Variants in PAFAH1B3 observed in about 807,000 individuals in gnomAD.
The protein encoded by PAFAH1B3 is platelet activating factor acetylhydrolase 1b catalytic subunit 3.
Under a neutral mutation model 24.4 loss-of-function variants are expected in PAFAH1B3, and 15 were observed. The ratio of observed to expected loss-of-function variants is 0.62; its 90% CI spans 0.41 to 0.95. The LOEUF (loss-of-function observed/expected upper bound fraction) is 0.95. Ranked by LOEUF, PAFAH1B3 falls within the 40% of genes least tolerant of loss-of-function variation. The pLI, the probability that PAFAH1B3 is intolerant of heterozygous loss-of-function variation, is 0.00. For missense variants in PAFAH1B3, 266 were observed against 312.2 expected (o/e 0.85, Z 1.12); for synonymous variants, 144 against 126.5 (o/e 1.14, Z -0.93).
chr19:42,302,449 A>C lies in PAFAH1B3; in HGVS notation c.-140T>G, dbSNP rs777261730. On this transcript the variant is annotated 5_prime_UTR_variant, in exon 1 of 5. Transcript: ENST00000262890. ...AACGCTAGCACACCCGCGGAGGACG[A>C]AGGCCGATACAGGGCGCCGCCTCCT... 1.7e-5 allele frequency: 12 copies of C among 724,412 alleles called. No homozygotes were observed. Among genetic ancestry groups the C allele is most frequent in the Non-Finnish European group, 2.5e-5 (11 of 448,948 alleles). 44.9% of individuals were successfully genotyped at this position (724,412 alleles called of 1,614,324 possible). A position where few individuals can be genotyped will look rare whatever the true frequency, so the allele number is the denominator to read the frequency against.
At chr19:42,298,543 A>G (rs1373152895) in intron 4 of PAFAH1B3, among the ~76,000 whole-genome samples, 1 of 152,220 alleles carries the variant, frequency 6.6e-6, no homozygotes, top group Non-Finnish European at 1.5e-5. Flanking sequence ...CCAAGGGATC[A>G]ATCCGTTTTC....
chr19:42,300,031 C>T lies in PAFAH1B3; in HGVS notation c.347G>A (p.Gly116Asp), dbSNP rs773376956. 1 of 1,614,198 alleles carries T rather than the reference C, an allele frequency of 6.2e-7. No homozygotes were observed. The highest frequency in any genetic ancestry group is 1.1e-5 in the South Asian group (1 of 91,086). Residue 116 changes from glycine to aspartate, a missense_variant, in exon 4 of 5, where the codon GGC becomes GAC. Coordinates refer to ENST00000262890, the MANE Select transcript of PAFAH1B3 (RefSeq NM_002573.4). ...HGHTAEQVTG[G>D]IKAIVQLVNE... ...CACCAGTTGCACAATGGCCTTGATG[C>T]CACCAGTCACCTGCTCTGCTGTGTG...
Position 42,297,202 on chromosome 19 carries a change from T to C in PAFAH1B3, c.572A>G (p.Tyr191Cys). ...SDGTISHHDM[Y>C]DYLHLSRLGY... ...CAGGCGGCTCAGATGCAGGTAATCA[T>C]ACATGTCATGATGGCTGATGGTGCC... Residue 191 changes from tyrosine to cysteine, a missense_variant, in exon 5 of 5, where the codon TAT becomes TGT. By Grantham distance (194) the Tyr-to-Cys change is radical (BLOSUM62 -2). Coordinates refer to ENST00000262890, the MANE Select transcript of PAFAH1B3 (RefSeq NM_002573.4). The C allele has an allele frequency of 6.2e-7, 1 of 1,614,062 alleles. No homozygotes were observed. The highest frequency in any genetic ancestry group is 8.5e-7 in the Non-Finnish European group (1 of 1,180,002).
chr19:42,301,011 C>T (rs1162258782), intron 2 of PAFAH1B3, among the ~76,000 whole-genome samples: 3 of 152,122 alleles, frequency 2.0e-5, no homozygotes, highest in Admixed American at 6.6e-5. Context: ...GACAGGATTT[C>T]GCCATGTTGG....
In PAFAH1B3 at chr19:42,302,448, G is replaced by C. The variant is rs550086183; in HGVS notation, c.-139C>G. The C allele has an allele frequency of 1.4e-6, 1 of 727,718 alleles. No homozygotes were observed. Among genetic ancestry groups the C allele is most frequent in the Non-Finnish European group, 2.2e-6 (1 of 451,752 alleles). The allele number at this position is 727,718 out of a possible 1,614,324, so 45.1% of individuals were successfully genotyped here. On this transcript the variant is annotated 5_prime_UTR_variant, in exon 1 of 5. Coordinates refer to ENST00000262890, the MANE Select transcript of PAFAH1B3 (RefSeq NM_002573.4). ...CAACGCTAGCACACCCGCGGAGGACGAAGGCCGATACAGGGCGCCGCCTCC... is the reference window on the plus strand; with the variant it reads ...CAACGCTAGCACACCCGCGGAGGACCAAGGCCGATACAGGGCGCCGCCTCC...
chr19:42,297,360 C>G lies in PAFAH1B3; in HGVS notation c.414G>C (p.Leu138=). 1 of 1,606,176 alleles carries G rather than the reference C, an allele frequency of 6.2e-7. No homozygotes were observed. The highest frequency in any genetic ancestry group is 8.5e-7 in the Non-Finnish European group (1 of 1,173,488). The change falls in exon 5 of 5, where the codon CTG becomes CTC. Residue 138 remains leucine (L), a synonymous_variant. Transcript: ENST00000262890. The part of the protein sequence containing the change: ...QPQARVVVLG[L]LPRGQHPNPL... ...GGTTGGGATGTTGGCCTCGCGGAAG[C>G]AGGCCCTGAGCAGGAACACGAGGCG...
Position 42,297,312 on chromosome 19 carries a change from C to G in PAFAH1B3, c.462G>C (p.Gln154His). 6.2e-7 allele frequency: 1 copy of G among 1,613,506 alleles called. No homozygotes were observed. The highest frequency in any genetic ancestry group is 8.5e-7 in the Non-Finnish European group (1 of 1,179,466). The part of the protein sequence containing the change: ...HPNPLREKNR[Q>H]VNELVRAALA... ...GTGCCGCCCGTACCAGCTCGTTCACCTGTCGGTTCTTCTCCCGAAGTGGGT... is the reference window on the plus strand; with the variant it reads ...GTGCCGCCCGTACCAGCTCGTTCACGTGTCGGTTCTTCTCCCGAAGTGGGT... Residue 154 changes from glutamine (Q) to histidine (H), a missense_variant, in exon 5 of 5, where the codon CAG becomes CAC. Coordinates refer to ENST00000262890, the MANE Select transcript of PAFAH1B3 (RefSeq NM_002573.4).
intron 2 of PAFAH1B3, among the ~76,000 whole-genome samples, chr19:42,301,102 A>T (rs751119697): frequency 1.1e-4 from 16 of 152,232 alleles, no homozygotes; most frequent in Non-Finnish European, 1.8e-4. Context: ...GGCGTAAGCC[A>T]CCACACCCTG....
intron 4 of PAFAH1B3, among the ~76,000 whole-genome samples, chr19:42,298,074 G>A (rs1349476818): frequency 1.3e-5 from 2 of 152,042 alleles, no homozygotes; most frequent in African/African-American, 4.8e-5. Context: ...GCGTGTGCCT[G>A]TAGTCCCAGC....
intron 4 of PAFAH1B3, among the ~76,000 whole-genome samples, chr19:42,299,114 C>T (rs1398627562): frequency 6.6e-6 from 1 of 150,608 alleles, no homozygotes; most frequent in Non-Finnish European, 1.5e-5. Flanking sequence ...AGCCACCGCA[C>T]CCGGCTTTTT....
intron 2 of PAFAH1B3, 144 bp from the exon 3 acceptor site, chr19:42,300,431 G>A: frequency 1.5e-6 from 1 of 665,248 alleles, no homozygotes; most frequent in Non-Finnish European, 2.7e-6. Flanking sequence ...AATTTTACCT[G>A]GAGCAAACTC....
chr19:42,302,067 T>C (rs775654037), intron 1 of PAFAH1B3, 28 bp from the exon 2 acceptor site: 27 of 1,550,968 alleles, frequency 1.7e-5, no homozygotes, highest in Non-Finnish European at 3.5e-6. Context: ...AGGGAGTCAA[T>C]GGCATGCACG....
At position 42,300,165 on chromosome 19, in the gene PAFAH1B3, G is replaced by A. The variant is rs202118113; in HGVS notation, c.285+6C>T. 4.4e-4 allele frequency: 703 copies of A among 1,614,094 alleles called. 4 individuals are homozygous for A. In the African/African-American group the frequency reaches 7.9e-3, roughly 18 times the overall value. ...TGTTTTAGAGCCCCACCCAAGCCCC[G>A]CTCACCTTGGGCCGGATGTGTTCCA... On this transcript the variant is annotated splice_donor_region_variant and intron_variant, in intron 3 of 4. Transcript: ENST00000262890.
At chr19:42,297,432 GTCC>G in intron 4 of PAFAH1B3, 67 bp from the exon 5 acceptor site, 2 of 1,225,988 alleles carry the variant, frequency 1.6e-6, no homozygotes, top group Non-Finnish European at 2.2e-6. Flanking sequence ...GTGCCAACCT[GTCC>G]TCCACCCACC....
chr19:42,297,476 AGGGAT>A, intron 4 of PAFAH1B3, 111 bp from the exon 5 acceptor site: 2 of 256,248 alleles, frequency 7.8e-6, no homozygotes. Flanking sequence ...AGAAAACACT[AGGGAT>A]GGGCAAGTGG....
chr19:42,302,349 G>C lies in PAFAH1B3; in HGVS notation c.-40C>G. ...TCCTGCAGGATGAGCGAGTCGGGTC[G>C]GCCCGGGAGTGTTCCGAACGGAGCT... On this transcript the variant is annotated 5_prime_UTR_variant, in exon 1 of 5. Coordinates refer to ENST00000262890, the MANE Select transcript of PAFAH1B3 (RefSeq NM_002573.4). 3 of 1,545,286 alleles carry C rather than the reference G, an allele frequency of 1.9e-6. No homozygotes were observed. The highest frequency in any genetic ancestry group is 1.4e-5 in the African/African-American group (1 of 73,666).
At chr19:42,301,862 TAA>T in intron 2 of PAFAH1B3, 86 bp downstream of exon 2, 5 of 1,109,502 alleles carry the variant, frequency 4.5e-6, no homozygotes, top group Non-Finnish European at 6.7e-6. Context: ...GGTACTCTCA[TAA>T]TACCTCACCT....
chr19:42,298,744 C>T (rs1738880632), intron 4 of PAFAH1B3, among the ~76,000 whole-genome samples: 1 of 152,170 alleles, frequency 6.6e-6, no homozygotes, highest in Admixed American at 6.5e-5. Flanking sequence ...AATTCCTGGG[C>T]TCAAGTGATC....
Position 42,297,329 on chromosome 19 carries a change from G to A in PAFAH1B3, c.445C>T (p.Arg149Trp), listed in dbSNP as rs1021817019. ...LPRGQHPNPL[R>W]EKNRQVNELV... The stretch of plus-strand genomic sequence containing the variant: ...TCGTTCACCTGTCGGTTCTTCTCCC[G>A]AAGTGGGTTGGGATGTTGGCCTCGC... Residue 149 changes from arginine to tryptophan, a missense_variant, in exon 5 of 5, where the codon CGG (arginine) becomes TGG (tryptophan). By Grantham distance (101) the Arg-to-Trp change is moderately radical. Coordinates refer to ENST00000262890, the MANE Select transcript of PAFAH1B3 (RefSeq NM_002573.4). 7.4e-6 allele frequency: 12 copies of A among 1,612,744 alleles called. No homozygotes were observed. Among genetic ancestry groups the A allele is most frequent in the East Asian group, 2.2e-5 (1 of 44,818 alleles).
Sources: allele counts gnomAD v4.1 joint callset (sites outside exome capture counted in the v4.1 genomes callset), GRCh38; gene constraint gnomAD v4.1.1; transcripts MANE v1.5; gene names NCBI Gene and HGNC (gene_info 2026-07-23, HGNC 2026-07-21).